Variants in FHOD1 observed in about 807,000 individuals in gnomAD.
The protein encoded by FHOD1 is formin homology 2 domain containing 1, also known as FH1/FH2 domain-containing protein 1.
A neutral mutation model predicts 111.6 loss-of-function variants in FHOD1; 89 were observed. The observed-to-expected ratio is 0.80, with a 90% confidence interval of 0.67 to 0.95. The LOEUF (loss-of-function observed/expected upper bound fraction) is 0.95. Among genes scored for constraint, FHOD1 ranks in the 40% least tolerant of loss-of-function variants. The pLI, the probability that FHOD1 is intolerant of heterozygous loss-of-function variation, is 0.00. For synonymous variants in FHOD1, 618 were observed against 639.0 expected (o/e 0.97, Z 0.50); for missense variants, 1,446 against 1,554.2 (o/e 0.93, Z 1.17).
rs756852572 is a variant in FHOD1 at position 67,237,392 on chromosome 16, G to A, written c.850-10C>T. On this transcript the variant is annotated splice_polypyrimidine_tract_variant and intron_variant, in intron 8 of 21. Transcript: ENST00000258201. This position sits in a 1 kb window ranked among gnomAD's most constrained non-coding sequence, Gnocchi z 5.6. ...GGAGCGCCGCCAGCGTCTGGAGGGC[G>A]GGGATAAGAAGGCAAGGCTGAGGTT... The A allele has an allele frequency of 1.2e-6, 2 of 1,613,778 alleles. No individual in the cohort carries two copies. Among genetic ancestry groups the A allele is most frequent in the Non-Finnish European group, 1.7e-6 (2 of 1,179,676 alleles).
At chr16:67,229,740 G>A (rs1567380886) in intron 21 of FHOD1, 22 bp from the exon 22 acceptor site, 1 of 1,614,106 alleles carries the variant, frequency 6.2e-7, no homozygotes, top group South Asian at 1.1e-5. Flanking sequence ...GAGCAGGGTT[G>A]GAGGGGGTTG....
At position 67,239,024 on chromosome 16, in the gene FHOD1, A is replaced by G. The variant is rs2034593414; in HGVS notation, c.309-57T>C. On this transcript the variant is annotated intron_variant, in intron 2 of 21. Transcript: ENST00000258201. ...AGCCTATCCCTCAGCATTCCTCCCC[A>G]CAAGCCAAGGGAGCCAAAGACCTCC... The G allele has an allele frequency of 1.9e-6, 3 of 1,568,776 alleles. No individual in the cohort carries two copies. In the African/African-American group the frequency reaches 4.0e-5, roughly 21 times the overall value.
intron 1 of FHOD1, among the ~76,000 whole-genome samples, chr16:67,245,899 C>T (rs1037425803): frequency 1.8e-4 from 27 of 152,212 alleles, no homozygotes; most frequent in Admixed American, 1.8e-3. Context: ...GTTCAGCACT[C>T]CTGTCTTCCC....
rs749473379 is a variant in FHOD1 at position 67,229,670 on chromosome 16, A to G, written c.3461T>C (p.Leu1154Pro). The change falls in exon 22 of 22, where the codon CTG becomes CCG. Residue 1154 changes from leucine (L) to proline (P), a missense_variant. Leu to Pro is a moderately conservative substitution (Grantham distance 98). Around this residue, in one of 3 missense-constraint regions of FHOD1, gnomAD observed 1,085 missense variants for 1,108.8 expected, o/e 0.98. Coordinates refer to ENST00000258201, the MANE Select transcript of FHOD1 (RefSeq NM_013241.3). Reference sequence around the variant, plus strand: ...CAGGCCAGGACCCTTGCTTAGTCCCAGTGCCTGCACCAGGTCATCTCCGAG... The same window carrying G: ...CAGGCCAGGACCCTTGCTTAGTCCCGGTGCCTGCACCAGGTCATCTCCGAG... ...SGLGDDLVQALGLSKGPGLEV is the reference protein window; with the variant it reads ...SGLGDDLVQAPGLSKGPGLEV 4 of 1,614,056 alleles carry G rather than the reference A, an allele frequency of 2.5e-6. No homozygotes were observed. The highest frequency in any genetic ancestry group is 1.7e-6 in the Non-Finnish European group (2 of 1,180,042).
Position 67,237,199 on chromosome 16 carries a change from C to G in FHOD1, c.993+40G>C. 1 of 1,606,180 alleles carries G rather than the reference C, an allele frequency of 6.2e-7. No individual in the cohort carries two copies. The highest frequency in any genetic ancestry group is 2.2e-5 in the East Asian group (1 of 44,684). ...CGCTGGGGACTGCGCTTCTCTCTTC[C>G]CTCTTTCCAATCCGCCTCAGAGCGT... is the stretch of plus-strand genomic sequence containing the variant. On this transcript the variant is annotated intron_variant, in intron 9 of 21. Transcript: ENST00000258201. The surrounding 1 kb of genome is among the most constrained non-coding windows in gnomAD (Gnocchi z 5.6).
At chr16:67,239,079 C>G in intron 2 of FHOD1, 112 bp from the exon 3 acceptor site, 1 of 1,027,488 alleles carries the variant, frequency 9.7e-7, no homozygotes, top group Non-Finnish European at 1.5e-6. Flanking sequence ...GCTTGTTCCT[C>G]CCAGCTGCTC....
In FHOD1 at chr16:67,238,254, C is replaced by T. The variant is rs1179819622; in HGVS notation, c.495G>A (p.Leu165=). 16 of 1,614,060 alleles carry T rather than the reference C, an allele frequency of 9.9e-6. No homozygotes were observed. The highest frequency in any genetic ancestry group is 5.3e-5 in the African/African-American group (4 of 74,922). Reference sequence around the variant, plus strand: ...GGTCGGCAGCAGCACCCACACGGATCAGGCAGCTCAGCCCCTCTGAATGCA... The same window carrying T: ...GGTCGGCAGCAGCACCCACACGGATTAGGCAGCTCAGCCCCTCTGAATGCA... The part of the protein sequence containing the change: ...EFVHSEGLSC[L]IRVGAAADHN... Residue 165 remains leucine (L), a synonymous_variant, in exon 5 of 22, where the codon CTG becomes CTA. Coordinates refer to ENST00000258201, the MANE Select transcript of FHOD1 (RefSeq NM_013241.3). This position sits in a 1 kb window ranked among gnomAD's most constrained non-coding sequence, Gnocchi z 4.2.
chr16:67,237,125 C>G lies in FHOD1; in HGVS notation c.994-11G>C. The G allele has an allele frequency of 6.2e-7, 1 of 1,606,362 alleles. No homozygotes were observed. Among genetic ancestry groups the G allele is most frequent in the Non-Finnish European group, 8.5e-7 (1 of 1,176,024 alleles). ...CAATTTCAGGGCGTTCTAGCAGAGG[C>G]GGACCAGGATGTAAGAAAGTGGTTA... On this transcript the variant is annotated splice_polypyrimidine_tract_variant and intron_variant, in intron 9 of 21. Coordinates refer to ENST00000258201, the MANE Select transcript of FHOD1 (RefSeq NM_013241.3). This position sits in a 1 kb window ranked among gnomAD's most constrained non-coding sequence, Gnocchi z 5.6.
chr16:67,234,431 T>TC lies in FHOD1; in HGVS notation c.1360_1361insG (p.Lys454ArgfsTer20). ...CCGGCCCTGGGCCAGCGCAACCTGC[T>TC]TCTCTGTTTCTGCTGCCGCCACATT... On this transcript the variant is annotated frameshift_variant, in exon 12 of 22. Transcript: ENST00000258201. LOFTEE classifies it high-confidence loss of function. 1 of 1,607,614 alleles carries TC rather than the reference T, an allele frequency of 6.2e-7. No individual in the cohort carries two copies.
chr16:67,247,234 G>T lies in FHOD1; in HGVS notation c.177C>A (p.His59Gln). 1 of 1,600,304 alleles carries T rather than the reference G, an allele frequency of 6.2e-7. No individual in the cohort carries two copies. Residue 59 changes from histidine to glutamine, a missense_variant, in exon 1 of 22, where the codon CAC (histidine) becomes CAA (glutamine). By Grantham distance (24) the His-to-Gln change is conservative. Transcript: ENST00000258201. Reference sequence around the variant, plus strand: ...CCTTGAGCGGCGCTCCCAGCAGGCGGTGCACCGCGGGTATCTGCGCGCCCA... The same window carrying T: ...CCTTGAGCGGCGCTCCCAGCAGGCGTTGCACCGCGGGTATCTGCGCGCCCA... ...LPLGAQIPAV[H>Q]RLLGAPLKLE...
Position 67,237,205 on chromosome 16 carries a change from T to C in FHOD1, c.993+34A>G. The C allele has an allele frequency of 6.2e-7, 1 of 1,607,116 alleles. No individual in the cohort carries two copies. Among genetic ancestry groups the C allele is most frequent in the Non-Finnish European group, 8.5e-7 (1 of 1,175,114 alleles). On this transcript the variant is annotated intron_variant, in intron 9 of 21. Transcript: ENST00000258201. This position sits in a 1 kb window ranked among gnomAD's most constrained non-coding sequence, Gnocchi z 5.6. ...GGACTGCGCTTCTCTCTTCCCTCTT[T>C]CCAATCCGCCTCAGAGCGTAAGGCC...
In FHOD1 at chr16:67,232,214, G is replaced by A. The variant is rs1456981376; in HGVS notation, c.2047-20C>T. On this transcript the variant is annotated intron_variant, in intron 13 of 21. Transcript: ENST00000258201. ...AGCTTTCTGCATGGTTGGGGGAAGGGCAGTGTAAGACTGAGGAAGGGGGCC... is the reference window on the plus strand; with the variant it reads ...AGCTTTCTGCATGGTTGGGGGAAGGACAGTGTAAGACTGAGGAAGGGGGCC... 2.5e-6 allele frequency: 4 copies of A among 1,613,642 alleles called. No homozygotes were observed. The highest frequency in any genetic ancestry group is 1.3e-5 in the African/African-American group (1 of 74,914).
chr16:67,230,963 A>T (rs2034243785), intron 17 of FHOD1, 172 bp from the exon 18 acceptor site: 1 of 848,318 alleles, frequency 1.2e-6, no homozygotes, highest in Non-Finnish European at 1.8e-6. Flanking sequence ...GGGGAGCAGA[A>T]GGTTTACTGG....
intron 13 of FHOD1, among the ~76,000 whole-genome samples, chr16:67,232,831 AT>A (rs961086755): frequency 6.7e-6 from 1 of 149,034 alleles, no homozygotes; most frequent in African/African-American, 2.5e-5. Context: ...TTTTTTTAAC[AT>A]TTTTTTTTCC....
At chr16:67,241,133 C>T (rs1363720148) in intron 1 of FHOD1, among the ~76,000 whole-genome samples, 1 of 141,726 alleles carries the variant, frequency 7.1e-6, no homozygotes, top group Admixed American at 6.9e-5. Flanking sequence ...CCCGCCCACC[C>T]CCGCCTGGGA....
chr16:67,239,552 G>C, intron 1 of FHOD1, 98 bp from the exon 2 acceptor site: 1 of 827,202 alleles, frequency 1.2e-6, no homozygotes, highest in Admixed American at 1.9e-5. Flanking sequence ...GGGTGGCAGA[G>C]AGACACAGGG....
rs750497587 is a variant in FHOD1 at position 67,231,797 on chromosome 16, G to A, written c.2225C>T (p.Thr742Met). ...GIEKLLTMMP[T>M]EEERQKIEEA... ...CTCAATCTTCTGCCGCTCTTCCTCC[G>A]TGGGCATCATGGTCAGTAGCTTCTG... is the stretch of plus-strand genomic sequence containing the variant. Residue 742 changes from threonine to methionine, a missense_variant, in exon 15 of 22, where the codon ACG becomes ATG. This residue lies in a region of FHOD1 where 1,085 missense variants were observed against 1,108.8 expected (regional missense o/e 0.98). Transcript: ENST00000258201. The surrounding 1 kb of genome is among the most constrained non-coding windows in gnomAD (Gnocchi z 4.3). The A allele has an allele frequency of 1.8e-5, 29 of 1,613,986 alleles. No individual in the cohort carries two copies. Among genetic ancestry groups the A allele is most frequent in the South Asian group, 5.5e-5 (5 of 91,080 alleles).
intron 1 of FHOD1, among the ~76,000 whole-genome samples, chr16:67,242,036 T>C (rs1471131686): frequency 6.6e-6 from 1 of 152,136 alleles, no homozygotes; most frequent in African/African-American, 2.4e-5. Context: ...TGGCACAGTC[T>C]TGGCTCACTG....
chr16:67,231,023 C>A lies in FHOD1; in HGVS notation c.2667+165G>T. 1 of 980,680 alleles carries A rather than the reference C, an allele frequency of 1.0e-6. No individual in the cohort carries two copies. Among genetic ancestry groups the A allele is most frequent in the Non-Finnish European group, 1.5e-6 (1 of 673,570 alleles). The allele number at this position is 980,680 out of a possible 1,614,324, so 60.7% of individuals were successfully genotyped here. A position where few individuals can be genotyped will look rare whatever the true frequency, so the allele number is the denominator to read the frequency against. ...AAAGACTGAGTAGGTGTGGCCAGGC[C>A]AATAGAGGAAAGAGCATTTCTGGCA... On this transcript the variant is annotated intron_variant, in intron 17 of 21. Transcript: ENST00000258201. This position sits in a 1 kb window ranked among gnomAD's most constrained non-coding sequence, Gnocchi z 4.3.
Sources: gnomAD v4.1 joint callset for allele counts (sites outside exome capture counted in the v4.1 genomes callset) on GRCh38, gnomAD v4.1.1 for gene constraint, gnomAD v4.1.1 regional missense constraint, Gnocchi (gnomAD v3.1) non-coding constraint, MANE v1.5 for transcripts, NCBI Gene and HGNC (gene_info 2026-07-23, HGNC 2026-07-21) for gene names.